Variants in SGF29 observed in about 807,000 individuals in gnomAD.
SGF29 encodes SAGA complex associated factor 29, also known as SAGA-associated factor 29.
A neutral mutation model predicts 38.1 loss-of-function variants in SGF29; 15 were observed. That is an observed-to-expected ratio of 0.39 (90% confidence interval 0.26 to 0.61). The LOEUF (loss-of-function observed/expected upper bound fraction) is 0.61, where lower values mean the gene tolerates loss of function less well. SGF29 is among the 20% of genes least tolerant of loss of function. SGF29 has a pLI of 0.49. For missense variants in SGF29, 184 were observed against 394.6 expected (o/e 0.47, Z 4.52); for synonymous variants, 151 against 160.8 (o/e 0.94, Z 0.46).
At chr16:28,586,583 A>T (rs2046957442) in intron 4 of SGF29, among the ~76,000 whole-genome samples, 1 of 152,170 alleles carries the variant, frequency 6.6e-6, no homozygotes, top group Admixed American at 6.5e-5. Context: ...AGATTCAGGA[A>T]CTTGAACATT....
intron 1 of SGF29, among the ~76,000 whole-genome samples, chr16:28,568,910 T>C (rs1279163666): frequency 7.0e-6 from 1 of 141,846 alleles, no homozygotes; most frequent in Non-Finnish European, 1.5e-5. Context: ...AGACTCCATC[T>C]CAAAAAAAGA....
intron 1 of SGF29, among the ~76,000 whole-genome samples, chr16:28,572,659 A>G (rs1050727291): frequency 1.3e-5 from 2 of 152,242 alleles, no homozygotes; most frequent in African/African-American, 4.8e-5. Flanking sequence ...AGGACTGGTC[A>G]GGCAAGCGCA....
At chr16:28,581,566 C>T (rs1445648399) in intron 2 of SGF29, among the ~76,000 whole-genome samples, 1 of 151,922 alleles carries the variant, frequency 6.6e-6, no homozygotes, top group Non-Finnish European at 1.5e-5. Context: ...GACGGAGTCT[C>T]ACTGTGTCAC....
chr16:28,572,218 C>G (rs1009448007), intron 1 of SGF29, among the ~76,000 whole-genome samples: 7 of 151,782 alleles, frequency 4.6e-5, no homozygotes, highest in African/African-American at 1.7e-4. Context: ...CCTTGTGATC[C>G]ACCTGCCTCA....
At chr16:28,564,526 TGTATATATATATGTATATATATAC>T (rs1190774696) in intron 1 of SGF29, among the ~76,000 whole-genome samples, 1 of 118,074 alleles carries the variant, frequency 8.5e-6, no homozygotes, top group Non-Finnish European at 1.8e-5. Flanking sequence ...TATATGTGTG[TGTATATATATATGTATATATATAC>T]GTATATATAT....
chr16:28,581,124 C>G lies in SGF29; in HGVS notation c.55C>G (p.Gln19Glu). 1 of 1,614,066 alleles carries G rather than the reference C, an allele frequency of 6.2e-7. No homozygotes were observed. The highest frequency in any genetic ancestry group is 1.1e-5 in the South Asian group (1 of 91,050). ...TGCAGAACTTCTCACAGAGCTCCAT[C>G]AGCTGATCAAACAAACCCAGGTAAA... ...RIAELLTELH[Q>E]LIKQTQEERS... The change falls in exon 2 of 10, where the codon CAG (glutamine) becomes GAG (glutamate). Residue 19 changes from glutamine (Q) to glutamate (E), a missense_variant. Physicochemically the swap from Gln to Glu is conservative, Grantham distance 29 (BLOSUM62 2). Coordinates refer to ENST00000317058, the MANE Select transcript of SGF29 (RefSeq NM_138414.3).
Position 28,585,730 on chromosome 16 carries a change from G to C in SGF29, c.224+10G>C. On this transcript the variant is annotated intron_variant, in intron 4 of 9. Transcript: ENST00000317058. ...CAGAGGCTGAGTGCAAGTGAGTACC[G>C]TGCACCCACTTCATCGCCGCTCCCT... 2.5e-6 allele frequency: 4 copies of C among 1,612,506 alleles called. No individual in the cohort carries two copies. Among genetic ancestry groups the C allele is most frequent in the Non-Finnish European group, 3.4e-6 (4 of 1,178,446 alleles).
In SGF29 at chr16:28,575,786, G is replaced by A. The variant is rs563415619; in HGVS notation, c.-15-5269G>A. On this transcript the variant is annotated intron_variant, in intron 1 of 9. Transcript: ENST00000317058. ...GAAAAGATACTCAATGCCATTAACC[G>A]TTAGGGACACACAAATCAAAACCAC... is the stretch of plus-strand genomic sequence containing the variant. Among the ~76,000 whole-genome samples, 19 of 152,278 alleles carry A rather than the reference G, an allele frequency of 1.2e-4. 1 individual carries two copies. Among genetic ancestry groups the A allele is most frequent in the African/African-American group, 3.8e-4 (16 of 41,560 alleles).
In SGF29 at chr16:28,560,102, C is replaced by T. The variant is rs143626770; in HGVS notation, c.-16+6005C>T. On this transcript the variant is annotated intron_variant, in intron 1 of 9. Transcript: ENST00000317058. ...TAAAAGTACAAAAAAATTAGCTAGG[C>T]GTGGTGGTACACAGGAGGCTCAGGA... Among the ~76,000 whole-genome samples, 345 of 151,158 alleles carry T rather than the reference C, an allele frequency of 2.3e-3. 1 individual carries two copies. The highest frequency in any genetic ancestry group is 7.3e-3 in the African/African-American group (302 of 41,152).
At chr16:28,569,013 G>A (rs1386678779) in intron 1 of SGF29, among the ~76,000 whole-genome samples, 1 of 151,676 alleles carries the variant, frequency 6.6e-6, no homozygotes, top group Admixed American at 6.6e-5. Flanking sequence ...GCTTGAACCT[G>A]GGAGGCGAAG....
chr16:28,582,011 C>G (rs2046928837), intron 2 of SGF29, among the ~76,000 whole-genome samples: 1 of 152,076 alleles, frequency 6.6e-6, no homozygotes, highest in South Asian at 2.1e-4. Flanking sequence ...TCACTGCAGG[C>G]TATCGGGCAT....
intron 4 of SGF29, 60 bp downstream of exon 4, chr16:28,585,780 G>A (rs2046953398): frequency 4.0e-6 from 6 of 1,513,496 alleles, no homozygotes; most frequent in Non-Finnish European, 5.5e-6. Context: ...TGGGCTGCAG[G>A]TCCATTTGGA....
intron 4 of SGF29, among the ~76,000 whole-genome samples, chr16:28,588,112 T>TA (rs1454495830): frequency 2.6e-5 from 4 of 152,164 alleles, no homozygotes; most frequent in Admixed American, 6.5e-5. Context: ...GCTGTGGAAA[T>TA]ACTCTTTGGG....
chr16:28,568,313 CAAAAAAAAA>C (rs148414167), intron 1 of SGF29, among the ~76,000 whole-genome samples: 2 of 54,292 alleles, frequency 3.7e-5, no homozygotes, highest in Non-Finnish European at 6.5e-5. Flanking sequence ...AACTCCATCT[CAAAAAAAAA>C]AAAAAAAAAA....
At chr16:28,573,037 T>C (rs2046873976) in intron 1 of SGF29, among the ~76,000 whole-genome samples, 2 of 152,194 alleles carry the variant, frequency 1.3e-5, no homozygotes, top group African/African-American at 4.8e-5. Context: ...GTGTGTTGGC[T>C]TCTGTCTCTT....
intron 2 of SGF29, among the ~76,000 whole-genome samples, chr16:28,582,913 C>T (rs1217798773): frequency 6.6e-6 from 1 of 151,850 alleles, no homozygotes; most frequent in African/African-American, 2.4e-5. Context: ...CCAGCCTGGG[C>T]GACAAGAGCG....
chr16:28,582,587 T>A (rs1036033916), intron 2 of SGF29, among the ~76,000 whole-genome samples: 1 of 152,190 alleles, frequency 6.6e-6, no homozygotes, highest in African/African-American at 2.4e-5. Context: ...TGCCATCAGC[T>A]CAGCTTTTCT....
intron 2 of SGF29, among the ~76,000 whole-genome samples, chr16:28,583,144 G>A (rs183981600): frequency 6.6e-6 from 1 of 152,370 alleles, no homozygotes; most frequent in African/African-American, 2.4e-5. Context: ...CAGGCACCCA[G>A]TGTAACTGAC....
In SGF29 at chr16:28,590,713, A is replaced by C. The variant is rs199628934; in HGVS notation, c.602+47A>C. On this transcript the variant is annotated intron_variant, in intron 8 of 9. Coordinates refer to ENST00000317058, the MANE Select transcript of SGF29 (RefSeq NM_138414.3). The surrounding 1 kb of genome is among the most constrained non-coding windows in gnomAD (Gnocchi z 8.2). Reference sequence around the variant, plus strand: ...GGGCATGGAGCCTGGGGGCAGCCTAACAGCTGAGAAGGAGCATCCCCACCC... The same window carrying C: ...GGGCATGGAGCCTGGGGGCAGCCTACCAGCTGAGAAGGAGCATCCCCACCC... 32 of 1,614,052 alleles carry C rather than the reference A, an allele frequency of 2.0e-5. No individual in the cohort carries two copies. The highest frequency in any genetic ancestry group is 1.3e-5 in the Non-Finnish European group (15 of 1,179,970).
Sources: gnomAD v4.1 joint callset for allele counts (sites outside exome capture counted in the v4.1 genomes callset) on GRCh38, gnomAD v4.1.1 for gene constraint, Gnocchi (gnomAD v3.1) non-coding constraint, MANE v1.5 for transcripts, NCBI Gene and HGNC (gene_info 2026-07-23, HGNC 2026-07-21) for gene names.